Variants in EVC observed in about 807,000 individuals in gnomAD.
EVC encodes evC complex member EVC.
In EVC, 116 loss-of-function variants were observed where a neutral mutation model predicts 118.9. The observed-to-expected ratio is 0.98, with a 90% confidence interval of 0.84 to 1.14. The LOEUF (loss-of-function observed/expected upper bound fraction) is 1.14. Ranked by LOEUF, EVC falls within the 50% of genes most tolerant of loss-of-function variation. EVC has a pLI of 0.00. For synonymous variants in EVC, 619 were observed against 534.7 expected, an observed-to-expected ratio of 1.16 and a Z score of -2.18; for missense variants, 1,401 against 1,246.4, an observed-to-expected ratio of 1.12 and a Z score of -1.87.
intron 6 of EVC, 90 bp from the exon 7 acceptor site, chr4:5,745,114 G>T: frequency 7.5e-7 from 1 of 1,325,762 alleles, no homozygotes. Context: ...TGTGAAATTT[G>T]AAAAATAAAA....
At chr4:5,727,096 G>A (rs1478675163) in intron 2 of EVC, among the ~76,000 whole-genome samples, 4 of 152,172 alleles carry the variant, frequency 2.6e-5, no homozygotes, top group South Asian at 2.1e-4. Flanking sequence ...CAGTAATGGG[G>A]TGGCTGGGTC....
rs6848370 is a variant in EVC at position 5,813,454 on chromosome 4, T to C, written c.*2417T>C. 115,039 of 152,080 alleles carry C rather than the reference T, an allele frequency of 0.76. 43,628 individuals carry two copies. Among genetic ancestry groups the C allele is most frequent in the South Asian group, 0.83 (4,012 of 4,812 alleles). 9.4% of individuals were successfully genotyped at this position (152,080 alleles called of 1,614,324 possible). ...CGAACTCCTGACCTCATCGTCCACC[T>C]GCCTCGGCCTCCCCAAAGTGCTGAG... On this transcript the variant is annotated 3_prime_UTR_variant, in exon 21 of 21. Coordinates refer to ENST00000264956, the MANE Select transcript of EVC (RefSeq NM_153717.3).
At chr4:5,771,667 A>G (rs530643525) in intron 11 of EVC, among the ~76,000 whole-genome samples, 1 of 152,304 alleles carries the variant, frequency 6.6e-6, no homozygotes, top group South Asian at 2.1e-4. Flanking sequence ...TTGGAAGCAG[A>G]TCTTGAGAGA....
Position 5,719,152 on chromosome 4 carries a change from G to C in EVC, c.175-96G>C. The stretch of plus-strand genomic sequence containing the variant: ...GCGAGCAGAAGTGGCTGCTGGACTG[G>C]GGGAGTTGACTGGCAAAAGTCACGG... On this transcript the variant is annotated intron_variant, in intron 1 of 20. Coordinates refer to ENST00000264956, the MANE Select transcript of EVC (RefSeq NM_153717.3). The surrounding 1 kb of genome is among the most constrained non-coding windows in gnomAD (Gnocchi z 4.7). 2.0e-6 allele frequency: 3 copies of C among 1,514,692 alleles called. No individual in the cohort carries two copies. The highest frequency in any genetic ancestry group is 1.7e-5 in the Admixed American group (1 of 59,724). 93.8% of individuals were successfully genotyped at this position (1,514,692 alleles called of 1,614,324 possible).
At chr4:5,814,980 TAC>T (rs1479394604), downstream of EVC, among the ~76,000 whole-genome samples, 1 of 152,156 alleles carries the variant, frequency 6.6e-6, no homozygotes, top group African/African-American at 2.4e-5. Flanking sequence ...TTCATCACTA[TAC>T]ACAGAGGTGT....
chr4:5,731,532 G>A lies in EVC; in HGVS notation c.492G>A (p.Leu164=), dbSNP rs1204453757. ...CTCCTTCCAGCAGTCTGGGGAGCCTGAGCCAGGGTGAGAAGGACGACTGCA... is the reference window on the plus strand; with the variant it reads ...CTCCTTCCAGCAGTCTGGGGAGCCTAAGCCAGGGTGAGAAGGACGACTGCA... The part of the protein sequence containing the change: ...EASPSSSLGS[L]SQGEKDDCSS... The change falls in exon 4 of 21, where the codon CTG becomes CTA. Residue 164 remains leucine (L), a synonymous_variant. Coordinates refer to ENST00000264956, the MANE Select transcript of EVC (RefSeq NM_153717.3). This position sits in a 1 kb window ranked among gnomAD's most constrained non-coding sequence, Gnocchi z 5.6. 1 of 1,614,118 alleles carries A rather than the reference G, an allele frequency of 6.2e-7. No individual in the cohort carries two copies. The highest frequency in any genetic ancestry group is 1.7e-5 in the Admixed American group (1 of 60,024).
intron 12 of EVC, 25 bp from the exon 13 acceptor site, chr4:5,793,583 C>G: frequency 1.3e-6 from 2 of 1,537,466 alleles, no homozygotes; most frequent in Non-Finnish European, 1.8e-6. Context: ...CACATGCCTG[C>G]TCTGTCCCTC....
At position 5,738,872 on chromosome 4, in the gene EVC, C is replaced by CT. The variant is rs527936144; in HGVS notation, c.703-2836dup. Among the ~76,000 whole-genome samples, 1 of 151,916 alleles carries CT rather than the reference C, an allele frequency of 6.6e-6. No individual in the cohort carries two copies. The highest frequency in any genetic ancestry group is 2.1e-4 in the South Asian group (1 of 4,818). On this transcript the variant is annotated intron_variant, in intron 5 of 20. Coordinates refer to ENST00000264956, the MANE Select transcript of EVC (RefSeq NM_153717.3). This position sits in a 1 kb window ranked among gnomAD's most constrained non-coding sequence, Gnocchi z 6.5. ...TGAGCCACCGCACCCAGCCCAACAA[C>CT]TTTTTTTTAATAATCATCTTAGGCT... is the stretch of plus-strand genomic sequence containing the variant.
chr4:5,789,285 C>T lies in EVC; in HGVS notation c.1777-4323C>T, dbSNP rs1712309882. Among the ~76,000 whole-genome samples the T allele has an allele frequency of 6.6e-6, 1 of 152,264 alleles. No individual in the cohort carries two copies. Among genetic ancestry groups the T allele is most frequent in the South Asian group, 2.1e-4 (1 of 4,816 alleles). On this transcript the variant is annotated intron_variant, in intron 12 of 20. Coordinates refer to ENST00000264956, the MANE Select transcript of EVC (RefSeq NM_153717.3). The surrounding 1 kb of genome is among the most constrained non-coding windows in gnomAD (Gnocchi z 4.3). ...GCCCACCATGTCAGGCCCTGGCTGC[C>T]CTCTGACCGCAACTGCATGCTGCCC...
At chr4:5,777,703 A>C (rs917955447) in intron 11 of EVC, among the ~76,000 whole-genome samples, 11 of 152,158 alleles carry the variant, frequency 7.2e-5, no homozygotes, top group Admixed American at 3.3e-4. Context: ...TATAATCTCT[A>C]AATCTTTTAA....
At chr4:5,809,736 T>G in intron 19 of EVC, 125 bp downstream of exon 19, 1 of 866,390 alleles carries the variant, frequency 1.2e-6, no homozygotes, top group Non-Finnish European at 1.9e-6. Context: ...CTCTGGGCTT[T>G]TGTGACCTTG....
intron 2 of EVC, among the ~76,000 whole-genome samples, chr4:5,726,111 A>G (rs967496464): frequency 2.0e-5 from 3 of 152,346 alleles, no homozygotes; most frequent in East Asian, 3.9e-4. Flanking sequence ...CAAGTGATCA[A>G]TCCTGTGTTT....
Position 5,756,345 on chromosome 4 carries a change from G to A in EVC, c.1546G>A (p.Val516Met). The change falls in exon 11 of 21, where the codon GTG (valine) becomes ATG (methionine). Residue 516 changes from valine to methionine, a missense_variant. Val to Met is a conservative substitution (Grantham distance 21). Transcript: ENST00000264956. This position sits in a 1 kb window ranked among gnomAD's most constrained non-coding sequence, Gnocchi z 4.2. ...GGAGAATGTCAGAGCCACCGAGGCT[G>A]TGGTTGCACTCTGCCAGGTACATGG... Reference protein sequence around the residue: ...EEENVRATEAVVALCQELYFS... With the variant: ...EEENVRATEAMVALCQELYFS... 1.2e-6 allele frequency: 2 copies of A among 1,610,762 alleles called. No homozygotes were observed. Among genetic ancestry groups the A allele is most frequent in the South Asian group, 2.2e-5 (2 of 89,798 alleles).
At chr4:5,788,957 C>A (rs1318690006) in intron 12 of EVC, among the ~76,000 whole-genome samples, 1 of 152,216 alleles carries the variant, frequency 6.6e-6, no homozygotes, top group Non-Finnish European at 1.5e-5. Context: ...CAAGTCAGTT[C>A]TTCCAGTGTG....
Position 5,731,391 on chromosome 4 carries a change from C to T in EVC, c.385-34C>T, listed in dbSNP as rs747521168. The T allele has an allele frequency of 6.0e-6, 9 of 1,501,402 alleles. No homozygotes were observed. Among genetic ancestry groups the T allele is most frequent in the African/African-American group, 2.8e-5 (2 of 72,658 alleles). The allele number at this position is 1,501,402 out of a possible 1,614,324, so 93.0% of individuals were successfully genotyped here. On this transcript the variant is annotated intron_variant, in intron 3 of 20. Transcript: ENST00000264956. The surrounding 1 kb of genome is among the most constrained non-coding windows in gnomAD (Gnocchi z 5.6). ...ACTAGATCAAATCCCAGAGGCATCA[C>T]ATGGACTGAGTGTGACTCCTACTGC...
At chr4:5,753,974 G>A (rs757145974) in intron 10 of EVC, 41 bp downstream of exon 10, 26 of 1,611,660 alleles carry the variant, frequency 1.6e-5, no homozygotes, top group Non-Finnish European at 1.9e-5. Context: ...GGGTGAGCCA[G>A]TTGTAGCTCT....
chr4:5,736,705 G>A (rs1320070234), intron 5 of EVC, among the ~76,000 whole-genome samples: 1 of 152,264 alleles, frequency 6.6e-6, no homozygotes, highest in African/African-American at 2.4e-5. Flanking sequence ...CGTTATGATT[G>A]TAATTGTTTG....
Position 5,811,285 on chromosome 4 carries a change from T to A in EVC, c.*248T>A. On this transcript the variant is annotated 3_prime_UTR_variant, in exon 21 of 21. Coordinates refer to ENST00000264956, the MANE Select transcript of EVC (RefSeq NM_153717.3). ...TTGCATTTCATTTGGCTTGGAGCCC[T>A]GGCTCGATGCCTCATGGATCTTTCT... is the stretch of plus-strand genomic sequence containing the variant. 1.0e-5 allele frequency: 5 copies of A among 480,962 alleles called. No individual in the cohort carries two copies. Among genetic ancestry groups the A allele is most frequent in the Non-Finnish European group, 1.9e-5 (5 of 262,330 alleles). 29.8% of individuals were successfully genotyped at this position (480,962 alleles called of 1,614,324 possible).
chr4:5,780,896 G>T lies in EVC; in HGVS notation c.1564-2656G>T, dbSNP rs185348542. 5.9e-5 allele frequency among the ~76,000 whole-genome samples: 9 copies of T among 152,326 alleles called. No homozygotes were observed. The East Asian group carries it at 1.7e-3, about 29-fold the overall frequency. ...AGGCGTAAAATCCAGAGGAAACCAG[G>T]CACAAGTTTCCAGAATCCTCTCCCC... is the stretch of plus-strand genomic sequence containing the variant. On this transcript the variant is annotated intron_variant, in intron 11 of 20. Coordinates refer to ENST00000264956, the MANE Select transcript of EVC (RefSeq NM_153717.3).
Sources: allele counts gnomAD v4.1 joint callset (sites outside exome capture counted in the v4.1 genomes callset), GRCh38; gene constraint gnomAD v4.1.1; non-coding constraint Gnocchi (gnomAD v3.1); transcripts MANE v1.5; gene names NCBI Gene and HGNC (gene_info 2026-07-23, HGNC 2026-07-21).